TBC1D26: variants seen among roughly 807,000 people sequenced by gnomAD.
The protein encoded by TBC1D26 is TBC1 domain family member 26, also known as TBC1 domain family, member 26.
In TBC1D26, 19 loss-of-function variants were observed where a neutral mutation model predicts 42.5. That is an observed-to-expected ratio of 0.45 (90% CI 0.31 to 0.66). The LOEUF is 0.66. TBC1D26 is among the 30% of genes least tolerant of loss of function. TBC1D26 has a pLI of 0.06. For synonymous variants in TBC1D26, 97 were observed against 123.5 expected (o/e 0.79, Z 1.42); for missense variants, 228 against 332.6 (o/e 0.69, Z 2.45).
chr17:15,740,279 G>T, intron 9 of TBC1D26, 131 bp downstream of exon 9: 1 of 1,604,496 alleles, frequency 6.2e-7, no homozygotes, highest in South Asian at 1.1e-5. Context: ...CAGGACTTCA[G>T]CTCGCTGCTG....
intron 5 of TBC1D26, 196 bp from the exon 6 acceptor site, chr17:15,737,801 G>T (rs573777462): frequency 3.7e-5 from 31 of 827,738 alleles, no homozygotes; most frequent in African/African-American, 3.6e-4. Flanking sequence ...TATGGCCTGA[G>T]GATGGCATGT....
chr17:15,741,337 G>C, intron 10 of TBC1D26, 116 bp downstream of exon 10: 1 of 1,563,922 alleles, frequency 6.4e-7, no homozygotes, highest in Non-Finnish European at 8.6e-7. Flanking sequence ...TGCCTGCCTT[G>C]TATCCCAGCT....
intron 12 of TBC1D26, 56 bp downstream of exon 12, chr17:15,742,535 G>A (rs879575714): frequency 5.1e-6 from 1 of 196,912 alleles, no homozygotes; most frequent in Non-Finnish European, 1.0e-5. Flanking sequence ...GCAGTGCCCA[G>A]CTTCCTCAGC....
chr17:15,736,769 C>G (rs1321447565), intron 4 of TBC1D26, among the ~76,000 whole-genome samples: 1 of 152,288 alleles, frequency 6.6e-6, no homozygotes, highest in Non-Finnish European at 1.5e-5. Flanking sequence ...GTCTCCCCAG[C>G]AGTGCTGGGC....
chr17:15,740,430 G>C (rs527617185), intron 9 of TBC1D26: 65 of 1,386,776 alleles, frequency 4.7e-5, no homozygotes, highest in Middle Eastern at 2.7e-4. Context: ...GGTCCTTGTA[G>C]GAGACAGGTT....
intron 8 of TBC1D26, among the ~76,000 whole-genome samples, chr17:15,739,758 T>C (rs1449350006): frequency 6.6e-6 from 1 of 152,388 alleles, no homozygotes; most frequent in East Asian, 1.9e-4. Context: ...GGGGCTGCAG[T>C]GGTGGACGGG....
chr17:15,735,193 G>A (rs917475242), intron 2 of TBC1D26, 123 bp downstream of exon 2: 3 of 839,712 alleles, frequency 3.6e-6, no homozygotes, highest in African/African-American at 3.4e-5. Context: ...ATCTAGTCAG[G>A]GGTGGGACCA....
intron 11 of TBC1D26, 108 bp from the exon 12 acceptor site, chr17:15,742,306 G>A: frequency 4.0e-6 from 2 of 500,650 alleles, no homozygotes; most frequent in Admixed American, 3.4e-5. Flanking sequence ...TGGAGCCCTG[G>A]CCACCGCCCT....
In TBC1D26 at chr17:15,741,984, C is replaced by A. The variant is rs774096737; in HGVS notation, c.689C>A (p.Ser230Ter). 3.1e-6 allele frequency: 5 copies of A among 1,613,930 alleles called. No individual in the cohort carries two copies. The highest frequency in any genetic ancestry group is 2.7e-5 in the African/African-American group (2 of 74,898). ...ACTGCCTGGCTCGAGAGGCTCCTATCGCACCAGGAGCAGGTGCTGCACAAG... is the reference window on the plus strand; with the variant it reads ...ACTGCCTGGCTCGAGAGGCTCCTATAGCACCAGGAGCAGGTGCTGCACAAG... ...PNTAWLERLL[S>*]HQEQVLHKSF... Residue 230 changes from serine (S) to a stop codon, truncating the protein, a stop_gained, in exon 11 of 15, where the codon TCG (serine) becomes TAG (stop). Transcript: ENST00000437605. LOFTEE classifies it high-confidence loss of function.
rs879036503 is a variant in TBC1D26, at chr17:15,735,282, G to A, written c.-1-66G>A. On this transcript the variant is annotated intron_variant, in intron 2 of 14. Coordinates refer to ENST00000437605, the MANE Select transcript of TBC1D26 (RefSeq NM_001388465.1). ...TGGAGTGTGTCTGGGAGTGCAGTGCGTGTGGTTTGGCTGTTCTCTGGAGCT... is the reference window on the plus strand; with the variant it reads ...TGGAGTGTGTCTGGGAGTGCAGTGCATGTGGTTTGGCTGTTCTCTGGAGCT... The A allele has an allele frequency of 8.5e-5, 94 of 1,111,256 alleles. No homozygotes were observed. In the South Asian group the frequency reaches 1.1e-3, roughly 13 times the overall value. The allele number at this position is 1,111,256 out of a possible 1,614,324, so 68.8% of individuals were successfully genotyped here. A position where few individuals can be genotyped will look rare whatever the true frequency, so the allele number is the denominator to read the frequency against.
chr17:15,741,289 C>T (rs748820186), intron 10 of TBC1D26, 68 bp downstream of exon 10: 1 of 1,606,782 alleles, frequency 6.2e-7, no homozygotes, highest in Non-Finnish European at 8.5e-7. Context: ...TGCCAGGGGA[C>T]AGCCACCCTG....
chr17:15,735,542 G>C, intron 3 of TBC1D26, 55 bp from the exon 4 acceptor site: 1 of 1,011,788 alleles, frequency 9.9e-7, no homozygotes, highest in Non-Finnish European at 1.4e-6. Flanking sequence ...CACCTCCCTG[G>C]GCCTCCCACA....
rs547729418 is a variant in TBC1D26, at chr17:15,740,461, T to C, written c.546+313T>C. 1.1e-3 allele frequency: 1,479 copies of C among 1,338,270 alleles called. 2 individuals are homozygous for C. Among genetic ancestry groups the C allele is most frequent in the Non-Finnish European group, 1.3e-3 (1,348 of 1,045,606 alleles). 82.9% of individuals were successfully genotyped at this position (1,338,270 alleles called of 1,614,324 possible). A position where few individuals can be genotyped will look rare whatever the true frequency, so the allele number is the denominator to read the frequency against. On this transcript the variant is annotated intron_variant, in intron 9 of 14. Coordinates refer to ENST00000437605, the MANE Select transcript of TBC1D26 (RefSeq NM_001388465.1). The stretch of plus-strand genomic sequence containing the variant: ...AGGTTTGACAAGTTGCTGAGGTGCC[T>C]GATGGGCCAGGCACTTGTCATGAAA...
chr17:15,732,524 G>A (rs1597751665), intron 1 of TBC1D26, 140 bp downstream of exon 1: 1 of 147,644 alleles, frequency 6.8e-6, no homozygotes, highest in Non-Finnish European at 1.5e-5. Flanking sequence ...TGACCTGGTG[G>A]ACTCTGTGGG....
intron 2 of TBC1D26, 129 bp from the exon 3 acceptor site, chr17:15,735,219 G>C (rs1967578465): frequency 9.3e-7 from 1 of 1,077,274 alleles, no homozygotes; most frequent in South Asian, 1.4e-5. Context: ...TCTGGCCCCT[G>C]TCATCTGGGA....
intron 9 of TBC1D26, chr17:15,740,553 C>T: frequency 1.7e-6 from 2 of 1,165,194 alleles, no homozygotes; most frequent in African/African-American, 1.6e-5. Flanking sequence ...TTCCCCTTTG[C>T]CTGAACCCCA....
intron 9 of TBC1D26, chr17:15,740,764 G>A: frequency 9.9e-7 from 1 of 1,010,846 alleles, no homozygotes; most frequent in Non-Finnish European, 1.2e-6. Context: ...GCGCCCCGCT[G>A]CCTGCCCTCG....
At chr17:15,741,302 C>G in intron 10 of TBC1D26, 81 bp downstream of exon 10, 1 of 1,599,156 alleles carries the variant, frequency 6.3e-7, no homozygotes, top group African/African-American at 1.3e-5. Flanking sequence ...CCACCCTGGC[C>G]GGTGACCCTG....
At chr17:15,741,894 C>G in intron 10 of TBC1D26, 48 bp from the exon 11 acceptor site, 1 of 1,593,968 alleles carries the variant, frequency 6.3e-7, no homozygotes, top group South Asian at 1.1e-5. Flanking sequence ...GATGCCTCCA[C>G]ATTTTGGGCG....
Sources: gnomAD v4.1 joint callset for allele counts (sites outside exome capture counted in the v4.1 genomes callset) on GRCh38, gnomAD v4.1.1 for gene constraint, MANE v1.5 for transcripts, NCBI Gene and HGNC (gene_info 2026-07-23, HGNC 2026-07-21) for gene names.